The following PSMG2 variants were observed in gnomAD, a reference collection of about 807,000 sequenced individuals.
PSMG2 encodes proteasome assembly chaperone 2, also known as CD40 ligand-activated specific transcript 3.
Under a neutral mutation model 31.5 loss-of-function variants are expected in PSMG2, and 21 were observed. That is an observed-to-expected ratio of 0.67 (90% CI 0.47 to 0.96). The LOEUF is 0.96. Among genes scored for constraint, PSMG2 ranks in the 40% least tolerant of loss-of-function variants. PSMG2 has a pLI of 0.00. For synonymous variants in PSMG2, 120 were observed against 110.4 expected (o/e 1.09, Z -0.54); for missense variants, 318 against 321.2 (o/e 0.99, Z 0.08).
intron 1 of PSMG2, among the ~76,000 whole-genome samples, chr18:12,659,496 G>T (rs2038651074): frequency 6.6e-6 from 1 of 152,076 alleles, no homozygotes; most frequent in African/African-American, 2.4e-5. Context: ...GGGAAACCCT[G>T]TCTCTACTAA....
At chr18:12,658,791 G>C (rs2038635092) in intron 1 of PSMG2, 5 of 315,784 alleles carry the variant, frequency 1.6e-5, no homozygotes, top group Non-Finnish European at 2.6e-5. Context: ...CCGTAAAGAC[G>C]GGGATCTTTA....
chr18:12,700,526 T>C (rs2040114961), upstream of PSMG2, among the ~76,000 whole-genome samples: 3 of 152,210 alleles, frequency 2.0e-5, no homozygotes, highest in South Asian at 6.2e-4. Flanking sequence ...AGGACTCTTA[T>C]GCAGTCAATT....
chr18:12,680,080 A>C (rs1454111092), intron 1 of PSMG2, among the ~76,000 whole-genome samples: 1 of 152,012 alleles, frequency 6.6e-6, no homozygotes, highest in African/African-American at 2.4e-5. Context: ...AAACTGAAAA[A>C]AAAATATGCT....
At chr18:12,669,291 T>C (rs2038880644) in intron 1 of PSMG2, among the ~76,000 whole-genome samples, 1 of 151,986 alleles carries the variant, frequency 6.6e-6, no homozygotes. Flanking sequence ...TTTGTATTTT[T>C]ACTAGAGACA....
intron 1 of PSMG2, among the ~76,000 whole-genome samples, chr18:12,671,907 G>A (rs111614097): frequency 0.15 from 23,072 of 151,906 alleles, 2,097 homozygotes; most frequent in South Asian, 0.38. Flanking sequence ...CACAACCTCC[G>A]CCTCCCAGGT....
At chr18:12,715,266 C>A (rs983567322) in intron 3 of PSMG2, among the ~76,000 whole-genome samples, 2 of 152,166 alleles carry the variant, frequency 1.3e-5, no homozygotes, top group Non-Finnish European at 2.9e-5. Flanking sequence ...GCCTCAACCT[C>A]CCAAAGTAGT....
chr18:12,698,931 A>G (rs564051393), upstream of PSMG2: 261 of 1,305,188 alleles, frequency 2.0e-4, 4 homozygotes, highest in South Asian at 3.2e-3. Context: ...ACAATAAAAC[A>G]TAACAAAGAT....
At chr18:12,697,187 A>G (rs1568031648) in intron 1 of PSMG2, 1 of 1,345,432 alleles carries the variant, frequency 7.4e-7, no homozygotes, top group South Asian at 1.4e-5. Flanking sequence ...AACTGTGGCT[A>G]TAAAAAGGTT....
rs2038746593 is a variant in PSMG2 at position 12,663,726 on chromosome 18, ATG to A, written c.-37+4955_-37+4956del. 3.9e-5 allele frequency among the ~76,000 whole-genome samples: 6 copies of A among 152,260 alleles called. No individual in the cohort carries two copies. The South Asian group carries it at 1.2e-3, about 32-fold the overall frequency. Reference sequence around the variant, plus strand: ...ACTTTGCTGATGAGACAATGCAAAAATGTTTTTTCAAGCCTCTATTATTTAAT... The same window carrying A: ...ACTTTGCTGATGAGACAATGCAAAAATTTTTTCAAGCCTCTATTATTTAAT... On this transcript the variant is annotated intron_variant, in intron 1 of 6. Coordinates refer to the PSMG2 transcript ENST00000585331.
At chr18:12,662,746 C>T (rs895008830) in intron 1 of PSMG2, among the ~76,000 whole-genome samples, 9 of 152,190 alleles carry the variant, frequency 5.9e-5, no homozygotes, top group Admixed American at 5.9e-4. Flanking sequence ...CACTGCCCTC[C>T]AGCCTGGGCG....
chr18:12,701,286 T>A (rs1366733861), upstream of PSMG2, among the ~76,000 whole-genome samples: 1 of 152,178 alleles, frequency 6.6e-6, no homozygotes, highest in East Asian at 1.9e-4. Context: ...CTAGAAATAG[T>A]CTCCACTGGT....
intron 1 of PSMG2, among the ~76,000 whole-genome samples, chr18:12,683,878 A>G (rs1432493550): frequency 6.6e-6 from 1 of 151,998 alleles, no homozygotes; most frequent in Non-Finnish European, 1.5e-5. Context: ...TAAATGATAC[A>G]TATACAGCAG....
intron 1 of PSMG2, among the ~76,000 whole-genome samples, chr18:12,682,360 T>C (rs998034424): frequency 1.3e-5 from 2 of 152,022 alleles, no homozygotes; most frequent in Non-Finnish European, 2.9e-5. Context: ...CAGCTATTTT[T>C]TGTGTTTTTG....
chr18:12,663,863 GT>G (rs1476222423), intron 1 of PSMG2, among the ~76,000 whole-genome samples: 2 of 152,172 alleles, frequency 1.3e-5, no homozygotes, highest in Admixed American at 1.3e-4. Context: ...TCTAACTCCT[GT>G]GCTCAAAAGA....
At chr18:12,688,702 T>C (rs150080891) in intron 1 of PSMG2, among the ~76,000 whole-genome samples, 1 of 152,336 alleles carries the variant, frequency 6.6e-6, no homozygotes, top group African/African-American at 2.4e-5. Flanking sequence ...GCTATTTAAA[T>C]TTTAATTAAA....
chr18:12,720,708 G>C (rs1211247278), intron 5 of PSMG2, 25 bp downstream of exon 5: 1 of 1,594,578 alleles, frequency 6.3e-7, no homozygotes, highest in Admixed American at 1.8e-5. Flanking sequence ...CTGTTCATTT[G>C]TTTCCCACTT....
chr18:12,674,821 A>G lies in PSMG2; in HGVS notation c.-37+16048A>G, dbSNP rs1218831834. On this transcript the variant is annotated intron_variant, in intron 1 of 6. Coordinates refer to the PSMG2 transcript ENST00000585331. Reference sequence around the variant, plus strand: ...TATTTTTAAAACCAACTAAATAAAAATGTTGATTATTTTAATGTATACCAA... The same window carrying G: ...TATTTTTAAAACCAACTAAATAAAAGTGTTGATTATTTTAATGTATACCAA... 1.2e-5 allele frequency: 12 copies of G among 972,878 alleles called. No individual in the cohort carries two copies. In the East Asian group the frequency reaches 2.4e-4, roughly 20 times the overall value. 60.3% of individuals were successfully genotyped at this position (972,878 alleles called of 1,614,324 possible). A position where few individuals can be genotyped will look rare whatever the true frequency, so the allele number is the denominator to read the frequency against.
intron 4 of PSMG2, among the ~76,000 whole-genome samples, chr18:12,719,242 A>G (rs1323743478): frequency 2.0e-5 from 3 of 152,168 alleles, no homozygotes; most frequent in South Asian, 2.1e-4. Flanking sequence ...GCAGAAATCC[A>G]CTTGCCTAAA....
At chr18:12,668,253 A>G (rs1321966111) in intron 1 of PSMG2, among the ~76,000 whole-genome samples, 1 of 151,768 alleles carries the variant, frequency 6.6e-6, no homozygotes, top group Non-Finnish European at 1.5e-5. Context: ...CAACAGACTG[A>G]GACTCCAACC....
Sources: allele counts gnomAD v4.1 joint callset (sites outside exome capture counted in the v4.1 genomes callset), GRCh38; gene constraint gnomAD v4.1.1; transcripts MANE v1.5; gene names NCBI Gene and HGNC (gene_info 2026-07-23, HGNC 2026-07-21).